ZNF493: variants seen among roughly 807,000 people sequenced by gnomAD.
ZNF493 encodes zinc finger protein 493.
A neutral mutation model predicts 12.2 loss-of-function variants in ZNF493; 11 were observed. The ratio of observed to expected loss-of-function variants is 0.90; its 90% CI spans 0.57 to 1.50. The LOEUF (loss-of-function observed/expected upper bound fraction) is 1.50. Among genes scored for constraint, ZNF493 ranks in the 40% most tolerant of loss-of-function variants. ZNF493 has a pLI of 0.00. For synonymous variants in ZNF493, 286 were observed against 302.6 expected (o/e 0.95, Z 0.57); for missense variants, 950 against 906.6 (o/e 1.05, Z -0.61).
chr19:21,400,137 C>T lies in ZNF493; in HGVS notation c.30+2870C>T, dbSNP rs538710659. ...ATACAATATAAGCAACTTGGCCGGG[C>T]GCGGTGGCTCATGCCTGTAATCCCA... is the stretch of plus-strand genomic sequence containing the variant. On this transcript the variant is annotated intron_variant, in intron 1 of 3. Transcript: ENST00000392288. Among the ~76,000 whole-genome samples, 37 of 152,224 alleles carry T rather than the reference C, an allele frequency of 2.4e-4. No homozygotes were observed. In the South Asian group the frequency reaches 3.9e-3, roughly 16 times the overall value.
intron 3 of ZNF493, chr19:21,408,035 G>C: frequency 1.0e-6 from 1 of 984,466 alleles, no homozygotes. Context: ...TTGTAACTTG[G>C]TTGCAAGGCT....
At chr19:21,397,946 A>C (rs1460370637) in intron 1 of ZNF493, 1 of 152,362 alleles carries the variant, frequency 6.6e-6, no homozygotes, top group Non-Finnish European at 1.5e-5. Flanking sequence ...CTCTGAATGT[A>C]GTAATTAAAA....
At chr19:21,411,997 G>A (rs1202502232) in intron 3 of ZNF493, 3 of 151,954 alleles carry the variant, frequency 2.0e-5, no homozygotes, top group African/African-American at 7.3e-5. Flanking sequence ...CTATGTATTT[G>A]TACATTTTTT....
intron 3 of ZNF493, among the ~76,000 whole-genome samples, chr19:21,411,729 A>G (rs969700575): frequency 6.6e-6 from 1 of 151,602 alleles, no homozygotes; most frequent in African/African-American, 2.4e-5. Flanking sequence ...CAAAAAAAAA[A>G]AAAGTTAATG....
At chr19:21,413,530 G>A in intron 3 of ZNF493, 1 of 402,022 alleles carries the variant, frequency 2.5e-6, no homozygotes, top group Non-Finnish European at 4.4e-6. Flanking sequence ...TGTTCGACGT[G>A]TGTTGCTTGT....
intron 1 of ZNF493, among the ~76,000 whole-genome samples, chr19:21,399,666 A>G (rs772753371): frequency 6.6e-6 from 1 of 152,256 alleles, no homozygotes; most frequent in South Asian, 2.1e-4. Flanking sequence ...AAAAATTCTC[A>G]TGTACCTTTT....
chr19:21,400,408 C>CA lies in ZNF493; in HGVS notation c.30+3152dup, dbSNP rs542683703. Among the ~76,000 whole-genome samples, 539 of 144,222 alleles carry CA rather than the reference C, an allele frequency of 3.7e-3. 2 individuals carry two copies. Among genetic ancestry groups the CA allele is most frequent in the Admixed American group, 5.7e-3 (82 of 14,416 alleles). The allele number at this position is 144,222 out of a possible 152,430, so 94.6% of individuals were successfully genotyped here. A position where few individuals can be genotyped will look rare whatever the true frequency, so the allele number is the denominator to read the frequency against. ...CTGGTGACAGAGAGAGACTCCATCT[C>CA]AAAAAAAAAAATGTAAGCACCTTAA... On this transcript the variant is annotated intron_variant, in intron 1 of 3. Coordinates refer to ENST00000392288, the MANE Select transcript of ZNF493 (RefSeq NM_001076678.3).
At chr19:21,413,436 C>A (rs2030387742) in intron 3 of ZNF493, 4 of 405,606 alleles carry the variant, frequency 9.9e-6, no homozygotes, top group Non-Finnish European at 1.7e-5. Context: ...TTAAATTGCT[C>A]ATTGTGACTG....
chr19:21,426,735 G>A lies in ZNF493; in HGVS notation c.*1751G>A, dbSNP rs1037651374. The A allele has an allele frequency of 6.0e-6, 1 of 166,820 alleles. No homozygotes were observed. Among genetic ancestry groups the A allele is most frequent in the Non-Finnish European group, 1.5e-5 (1 of 68,048 alleles). The allele number at this position is 166,820 out of a possible 1,614,324, so 10.3% of individuals were successfully genotyped here. A position where few individuals can be genotyped will look rare whatever the true frequency, so the allele number is the denominator to read the frequency against. On this transcript the variant is annotated 3_prime_UTR_variant, in exon 4 of 4. Coordinates refer to ENST00000392288, the MANE Select transcript of ZNF493 (RefSeq NM_001076678.3). ...TATACGAAAATATATTTTCAAAGGT[G>A]TAGTAAAAATAAAAAAAATTTTAAT... is the stretch of plus-strand genomic sequence containing the variant.
At chr19:21,410,058 GTGTATATA>G (rs756783986) in intron 3 of ZNF493, among the ~76,000 whole-genome samples, 20,096 of 139,802 alleles carry the variant, frequency 0.14, 1,821 homozygotes, top group Non-Finnish European at 0.21. Context: ...ATTTCATTGT[GTGTATATA>G]TATATATATA....
At chr19:21,401,664 C>T (rs182144354) in intron 1 of ZNF493, among the ~76,000 whole-genome samples, 50 of 151,716 alleles carry the variant, frequency 3.3e-4, no homozygotes, top group African/African-American at 1.2e-3. Context: ...CTCACTCTGT[C>T]GCCCAGGCTG....
At chr19:21,403,512 C>CTTAG (rs10669511) in intron 1 of ZNF493, among the ~76,000 whole-genome samples, 145,744 of 152,140 alleles carry the variant, frequency 0.96, 70,086 homozygotes, top group Middle Eastern at 1. Flanking sequence ...TTCTGCAGTT[C>CTTAG]TTCTTTTTTT....
intron 3 of ZNF493, 81 bp downstream of exon 3, chr19:21,405,937 C>G: frequency 9.8e-7 from 1 of 1,017,748 alleles, no homozygotes; most frequent in Non-Finnish European, 1.4e-6. Flanking sequence ...AAAGCCAGTC[C>G]TGGCCGGGAG....
rs148395876 is a variant in ZNF493 at position 21,397,161 on chromosome 19, G to T, written c.-77G>T. The T allele has an allele frequency of 3.9e-4, 607 of 1,563,992 alleles. No individual in the cohort carries two copies. The African/African-American group carries it at 7.5e-3, about 19-fold the overall frequency. On this transcript the variant is annotated 5_prime_UTR_variant, in exon 1 of 4. It adds an upstream start codon to the 5' untranslated region. Transcript: ENST00000392288. ...GTTTCTCTCTGCTGCCGGAGCTCCA[G>T]GTCTACCCTTCACTGCTCTGTGTCC...
intron 1 of ZNF493, chr19:21,398,861 A>G (rs1369744165): frequency 1.3e-5 from 2 of 154,364 alleles, no homozygotes; most frequent in Non-Finnish European, 2.9e-5. Context: ...AAATAGTGAA[A>G]TTAATATAGT....
At position 21,420,655 on chromosome 19, in the gene ZNF493, T is replaced by TTTTTTC. The variant is rs766934918; in HGVS notation, c.254-2258_254-2257insTTTTTC. Among the ~76,000 whole-genome samples the TTTTTTC allele has an allele frequency of 1.0e-3, 47 of 46,502 alleles. 7 individuals carry two copies. The highest frequency in any genetic ancestry group is 1.2e-3 in the Admixed American group (4 of 3,320). The allele number at this position is 46,502 out of a possible 152,430, so 30.5% of individuals were successfully genotyped here. A position where few individuals can be genotyped will look rare whatever the true frequency, so the allele number is the denominator to read the frequency against. ...TTTTTTTTTTTTTTTTTTTTTTTTT[T>TTTTTTC]CAGAACTTTGACTATATCACACAAT... On this transcript the variant is annotated intron_variant, in intron 3 of 3. Coordinates refer to ENST00000392288, the MANE Select transcript of ZNF493 (RefSeq NM_001076678.3).
chr19:21,420,533 GT>G (rs5827504), intron 3 of ZNF493, among the ~76,000 whole-genome samples: 4 of 125,310 alleles, frequency 3.2e-5, no homozygotes, highest in Non-Finnish European at 4.9e-5. Flanking sequence ...TATTTTTGAA[GT>G]TTTTTTTTCT....
At chr19:21,403,596 A>G (rs527269228) in intron 1 of ZNF493, among the ~76,000 whole-genome samples, 1 of 152,274 alleles carries the variant, frequency 6.6e-6, no homozygotes, top group East Asian at 1.9e-4. Context: ...ATGCAGGTGT[A>G]ACTTCTCCAG....
intron 3 of ZNF493, among the ~76,000 whole-genome samples, chr19:21,416,267 AG>A (rs1257831311): frequency 2.0e-5 from 3 of 152,092 alleles, no homozygotes; most frequent in Non-Finnish European, 4.4e-5. Context: ...GTACCATACC[AG>A]GGACATACCC....
Sources: gnomAD v4.1 joint callset for allele counts (sites outside exome capture counted in the v4.1 genomes callset) on GRCh38, gnomAD v4.1.1 for gene constraint, MANE v1.5 for transcripts, NCBI Gene and HGNC (gene_info 2026-07-23, HGNC 2026-07-21) for gene names.